B3GALT1: variants seen among roughly 807,000 people sequenced by gnomAD.
The protein encoded by B3GALT1 is UDP-Gal:betaGlcNAc beta 1,3-galactosyltransferase, polypeptide 1.
Under a neutral mutation model 23.2 loss-of-function variants are expected in B3GALT1, and 10 were observed. The observed-to-expected ratio is 0.43, with a 90% CI of 0.27 to 0.73. B3GALT1 has a LOEUF of 0.73. Among genes scored for constraint, B3GALT1 ranks in the 30% least tolerant of loss-of-function variants. The pLI is 0.21. For missense variants in B3GALT1, 299 were observed against 405.4 expected, an observed-to-expected ratio of 0.74 and a Z score of 2.25; for synonymous variants, 156 against 141.5, an observed-to-expected ratio of 1.10 and a Z score of -0.73.
chr2:167,565,560 G>A (rs1684143864), intron 2 of B3GALT1, among the ~76,000 whole-genome samples: 1 of 152,172 alleles, frequency 6.6e-6, no homozygotes, highest in Admixed American at 6.5e-5. Flanking sequence ...TACCATCAGA[G>A]TGAACAGGCA....
chr2:167,803,761 CT>C (rs922409966), intron 3 of B3GALT1, among the ~76,000 whole-genome samples: 8 of 151,898 alleles, frequency 5.3e-5, no homozygotes, highest in Admixed American at 2.0e-4. Flanking sequence ...CTAAGGAATA[CT>C]TTTTTTTATA....
intron 2 of B3GALT1, among the ~76,000 whole-genome samples, chr2:167,546,658 T>C (rs1216225251): frequency 6.6e-6 from 1 of 152,156 alleles, no homozygotes; most frequent in Non-Finnish European, 1.5e-5. Context: ...AGTTCTCACA[T>C]ACTTCTGGCA....
At chr2:167,554,702 G>T (rs996669359) in intron 2 of B3GALT1, among the ~76,000 whole-genome samples, 3 of 151,986 alleles carry the variant, frequency 2.0e-5, no homozygotes, top group East Asian at 1.9e-4. Context: ...TTCCACAAAA[G>T]ATTTTTTGCC....
chr2:167,840,106 G>T (rs1161785902), intron 4 of B3GALT1, among the ~76,000 whole-genome samples: 13 of 152,156 alleles, frequency 8.5e-5, no homozygotes, highest in Non-Finnish European at 1.9e-4. Context: ...TACCATTCAG[G>T]ACATAGGCAG....
chr2:167,571,778 A>G (rs1040264394), intron 2 of B3GALT1, among the ~76,000 whole-genome samples: 2 of 151,912 alleles, frequency 1.3e-5, no homozygotes, highest in African/African-American at 2.4e-5. Context: ...TGCAGTATAC[A>G]TGCCGGCATG....
chr2:167,521,720 A>G (rs1198073707), intron 2 of B3GALT1, among the ~76,000 whole-genome samples: 2 of 151,984 alleles, frequency 1.3e-5, no homozygotes, highest in African/African-American at 4.8e-5. Context: ...TCAGTTCTTT[A>G]CAGTCTCACT....
intron 3 of B3GALT1, among the ~76,000 whole-genome samples, chr2:167,775,923 T>G (rs1020247663): frequency 3.3e-5 from 5 of 152,002 alleles, no homozygotes; most frequent in Admixed American, 3.3e-4. Flanking sequence ...GTTAACAAAG[T>G]CCTTAATCTT....
chr2:167,436,007 A>G (rs1698780630), intron 1 of B3GALT1, among the ~76,000 whole-genome samples: 1 of 151,072 alleles, frequency 6.6e-6, no homozygotes, highest in Admixed American at 6.6e-5. Flanking sequence ...GCACTAGTCC[A>G]AGTTACTATT....
intron 3 of B3GALT1, among the ~76,000 whole-genome samples, chr2:167,693,280 A>C (rs1436032386): frequency 6.6e-6 from 1 of 152,150 alleles, no homozygotes; most frequent in African/African-American, 2.4e-5. Flanking sequence ...AAACAAAAAA[A>C]GAGATGTCAG....
intron 1 of B3GALT1, among the ~76,000 whole-genome samples, chr2:167,379,413 T>C (rs778565833): frequency 1.4e-4 from 21 of 152,254 alleles, no homozygotes; most frequent in Non-Finnish European, 2.2e-4. Flanking sequence ...ATTATTATTA[T>C]CATTATTTTC....
intron 1 of B3GALT1, among the ~76,000 whole-genome samples, chr2:167,357,470 C>T (rs1309893701): frequency 6.6e-6 from 1 of 152,056 alleles, no homozygotes; most frequent in African/African-American, 2.4e-5. Context: ...TCTTAGCTTA[C>T]TCCAAAATAG....
At chr2:167,362,541 A>AT (rs1405973409) in intron 1 of B3GALT1, among the ~76,000 whole-genome samples, 22 of 151,590 alleles carry the variant, frequency 1.5e-4, no homozygotes, top group African/African-American at 5.3e-4. Context: ...TCACATTTTC[A>AT]TTTTTTATTT....
chr2:167,740,639 G>A (rs62194989), intron 3 of B3GALT1, among the ~76,000 whole-genome samples: 29,014 of 151,934 alleles, frequency 0.19, 3,473 homozygotes, highest in Admixed American at 0.28. Flanking sequence ...ATATTTCCTG[G>A]CCACCCCTCT....
At chr2:167,301,084 T>C (rs973836056) in intron 1 of B3GALT1, among the ~76,000 whole-genome samples, 2 of 152,152 alleles carry the variant, frequency 1.3e-5, no homozygotes, top group Non-Finnish European at 2.9e-5. Context: ...GTAAGCATTA[T>C]CATTGGCTAC....
At chr2:167,472,324 G>T (rs1282287698) in intron 1 of B3GALT1, among the ~76,000 whole-genome samples, 1 of 152,112 alleles carries the variant, frequency 6.6e-6, no homozygotes, top group African/African-American at 2.4e-5. Flanking sequence ...GGAGGTGGGG[G>T]CTATTAACAA....
At chr2:167,775,426 G>A (rs562684370) in intron 3 of B3GALT1, among the ~76,000 whole-genome samples, 9 of 151,844 alleles carry the variant, frequency 5.9e-5, no homozygotes, top group East Asian at 1.9e-4. Context: ...AAAATTAGCC[G>A]GGTGTGGTGG....
intron 3 of B3GALT1, among the ~76,000 whole-genome samples, chr2:167,775,540 G>A (rs1688147090): frequency 6.7e-6 from 1 of 148,420 alleles, no homozygotes; most frequent in African/African-American, 2.5e-5. Context: ...CTGCACTCTA[G>A]CTGGGACAAC....
intron 3 of B3GALT1, among the ~76,000 whole-genome samples, chr2:167,678,614 CG>C (rs1686470931): frequency 6.6e-6 from 1 of 152,058 alleles, no homozygotes; most frequent in Non-Finnish European, 1.5e-5. Flanking sequence ...GCTCAGTCCA[CG>C]GATAAACTTT....
intron 1 of B3GALT1, among the ~76,000 whole-genome samples, chr2:167,349,267 C>A (rs73017776): frequency 0.016 from 2,488 of 152,200 alleles, 76 homozygotes; most frequent in African/African-American, 0.057. Context: ...TTGCCTGGTA[C>A]CTTAATCATC....
Sources: allele counts gnomAD v4.1 joint callset (sites outside exome capture counted in the v4.1 genomes callset), GRCh38; gene constraint gnomAD v4.1.1; transcripts MANE v1.5; gene names NCBI Gene and HGNC (gene_info 2026-07-23, HGNC 2026-07-21).